Variants in WDR62 observed in about 807,000 individuals in gnomAD.
WDR62 encodes WD repeat domain 62.
Under a neutral mutation model 160.6 loss-of-function variants are expected in WDR62, and 112 were observed. That is an observed-to-expected ratio of 0.70 (90% CI 0.60 to 0.82). The LOEUF is 0.82. WDR62 is among the 40% of genes least tolerant of loss of function. The pLI is 0.00. For missense variants in WDR62, 1,819 were observed against 1,983.8 expected (o/e 0.92, Z 1.58); for synonymous variants, 792 against 815.1 (o/e 0.97, Z 0.48).
Position 36,100,802 on chromosome 19 carries a change from A to G in WDR62, c.2794A>G (p.Lys932Glu). 5 of 1,614,214 alleles carry G rather than the reference A, an allele frequency of 3.1e-6. No homozygotes were observed. The highest frequency in any genetic ancestry group is 1.7e-5 in the Admixed American group (1 of 60,032). The change falls in exon 23 of 32, where the codon AAG (lysine) becomes GAG (glutamate). Residue 932 changes from lysine (K) to glutamate (E), a missense_variant. By Grantham distance (56) the Lys-to-Glu change is moderately conservative. Coordinates refer to ENST00000401500, the MANE Select transcript of WDR62 (RefSeq NM_001083961.2). ...GCACCCCTCCTTCCTGCCCCAGCAG[A>G]AGGAATCATCTGAGGCCAGTGAGCT... Reference protein sequence around the residue: ...RGHPSFLPQQKESSEASELIL... With the variant: ...RGHPSFLPQQEESSEASELIL...
intron 2 of WDR62, 163 bp downstream of exon 2, chr19:36,059,034 T>C: frequency 1.4e-6 from 1 of 726,140 alleles, no homozygotes. Context: ...TAGCCCCCTC[T>C]CTGTCTAGAA....
rs1973554379 is a variant in WDR62 at position 36,103,787 on chromosome 19, C to G, written c.3959C>G (p.Thr1320Ser). ...CCCGTGGATACCCAGCCTGGCGTCA[C>G]CGTCCCTGCAGTGAGCTTCCCAGCC... is the stretch of plus-strand genomic sequence containing the variant. The part of the protein sequence containing the change: ...QPPVDTQPGV[T>S]VPAVSFPAPS... The change falls in exon 30 of 32, where the codon ACC becomes AGC. Residue 1320 changes from threonine to serine, a missense_variant. Transcript: ENST00000401500. 1 of 1,610,028 alleles carries G rather than the reference C, an allele frequency of 6.2e-7. No homozygotes were observed. Among genetic ancestry groups the G allele is most frequent in the Admixed American group, 1.7e-5 (1 of 60,018 alleles).
rs770393356 is a variant in WDR62, at chr19:36,073,551, C to A, written c.1233+20C>A. 6.4e-7 allele frequency: 1 copy of A among 1,565,220 alleles called. No individual in the cohort carries two copies. Among genetic ancestry groups the A allele is most frequent in the South Asian group, 1.1e-5 (1 of 88,762 alleles). On this transcript the variant is annotated intron_variant, in intron 9 of 31. Transcript: ENST00000401500. ...GTGGAGGTGAGCCCCCCCCCCACCC[C>A]CTTGCCCCTGCTTGGCCTCTGCACA...
intron 11 of WDR62, among the ~76,000 whole-genome samples, chr19:36,083,973 C>T (rs1291253978): frequency 6.6e-6 from 1 of 152,146 alleles, no homozygotes; most frequent in East Asian, 1.9e-4. Flanking sequence ...GAGACCAGCT[C>T]AGTGTGTCAG....
At chr19:36,101,115 G>A (rs1175297317) in intron 23 of WDR62, 99 bp from the exon 24 acceptor site, 23 of 1,257,096 alleles carry the variant, frequency 1.8e-5, no homozygotes, top group Non-Finnish European at 2.6e-5. Context: ...TGCTCCTGCA[G>A]GAGCAGCGGG....
chr19:36,110,472 A>G, the WDR62 span, among the ~76,000 whole-genome samples: 2 of 152,126 alleles, frequency 1.3e-5, no homozygotes, highest in African/African-American at 4.8e-5. Flanking sequence ...ACTCCGTCTC[A>G]AAAAAAGAAA....
intron 3 of WDR62, 113 bp from the exon 4 acceptor site, chr19:36,065,845 T>C (rs1316029810): frequency 1.9e-6 from 2 of 1,056,938 alleles, no homozygotes; most frequent in Non-Finnish European, 3.0e-6. Flanking sequence ...TCTGCTGGCC[T>C]CTTCCGAGGC....
At chr19:36,083,316 C>T in intron 11 of WDR62, 75 bp downstream of exon 11, 2 of 1,469,430 alleles carry the variant, frequency 1.4e-6, no homozygotes, top group East Asian at 2.5e-5. Flanking sequence ...GGGCAGAAGC[C>T]CTGGCCTTGG....
intron 9 of WDR62, among the ~76,000 whole-genome samples, chr19:36,079,521 C>T (rs1180125606): frequency 1.3e-5 from 2 of 152,194 alleles, no homozygotes; most frequent in Non-Finnish European, 2.9e-5. Flanking sequence ...CTACTCTTAG[C>T]AGTTTCTCTT....
At chr19:36,110,958 AG>A in the WDR62 span, among the ~76,000 whole-genome samples, 25 of 152,046 alleles carry the variant, frequency 1.6e-4, no homozygotes, top group Middle Eastern at 3.4e-3. Context: ...TGGTGGTCCT[AG>A]TGCTTGTCCA....
intron 21 of WDR62, among the ~76,000 whole-genome samples, chr19:36,097,342 CA>C (rs1309978368): frequency 1.3e-5 from 2 of 152,216 alleles, no homozygotes; most frequent in African/African-American, 4.8e-5. Context: ...GGGCGAGGAA[CA>C]ATATCCCCAT....
In WDR62 at chr19:36,100,770, G is replaced by T; in HGVS notation, c.2762G>T (p.Gly921Val). The T allele has an allele frequency of 6.2e-7, 1 of 1,614,136 alleles. No individual in the cohort carries two copies. Among genetic ancestry groups the T allele is most frequent in the Non-Finnish European group, 8.5e-7 (1 of 1,180,014 alleles). ...TAGTCAGAGAGTCCCCAGGAAGCTG[G>T]CCGCGGGCACCCCTCCTTCCTGCCC... ...LSESESPQEA[G>V]RGHPSFLPQQ... Residue 921 changes from glycine (G) to valine (V), a missense_variant, in exon 23 of 32, where the codon GGC (glycine) becomes GTC (valine). Physicochemically the swap from Gly to Val is moderately radical, Grantham distance 109 (BLOSUM62 -3). This residue lies in a region of WDR62 where 934 missense variants were observed against 1,157.2 expected (regional missense o/e 0.81). Transcript: ENST00000401500.
intron 7 of WDR62, 130 bp downstream of exon 7, chr19:36,068,140 A>G (rs1971045279): frequency 8.6e-7 from 1 of 1,167,372 alleles, no homozygotes; most frequent in South Asian, 1.3e-5. Context: ...CCACTCTCTG[A>G]GCTTAAGGTT....
Position 36,104,813 on chromosome 19 carries a change from A to G in WDR62, c.4357A>G (p.Thr1453Ala). 6.2e-7 allele frequency: 1 copy of G among 1,613,592 alleles called. No homozygotes were observed. The highest frequency in any genetic ancestry group is 8.5e-7 in the Non-Finnish European group (1 of 1,180,012). Residue 1453 changes from threonine to alanine, a missense_variant, in exon 32 of 32, where the codon ACT (threonine) becomes GCT (alanine). Coordinates refer to ENST00000401500, the MANE Select transcript of WDR62 (RefSeq NM_001083961.2). ...GGACACCGGGCAGCAGCAGGCACGG[A>G]CTGAGCTGGTCTCCACCTTCCTGTG... ...QVDTGQQQAR[T>A]ELVSTFLWIH...
Position 36,104,016 on chromosome 19 carries a change from A to G in WDR62, c.4153+35A>G. On this transcript the variant is annotated intron_variant, in intron 30 of 31. Coordinates refer to ENST00000401500, the MANE Select transcript of WDR62 (RefSeq NM_001083961.2). ...GCCCTGGAGCAAGGACTGTCCCCTAAGCTCATCCTGTGTGCTAGTTGGCTC... is the reference window on the plus strand; with the variant it reads ...GCCCTGGAGCAAGGACTGTCCCCTAGGCTCATCCTGTGTGCTAGTTGGCTC... 4 of 1,596,696 alleles carry G rather than the reference A, an allele frequency of 2.5e-6. No homozygotes were observed. The South Asian group carries it at 4.4e-5, about 18-fold the overall frequency.
chr19:36,064,421 G>A (rs1004746963), intron 3 of WDR62, among the ~76,000 whole-genome samples: 1 of 149,182 alleles, frequency 6.7e-6, no homozygotes, highest in Non-Finnish European at 1.5e-5. Context: ...GACTACAGGC[G>A]CCCACCACCA....
chr19:36,058,629 G>A, intron 1 of WDR62, 151 bp from the exon 2 acceptor site: 1 of 703,138 alleles, frequency 1.4e-6, no homozygotes, highest in East Asian at 2.7e-5. Flanking sequence ...GGAATGTTGA[G>A]AGAACAAGTG....
intron 11 of WDR62, among the ~76,000 whole-genome samples, chr19:36,083,741 C>T (rs1453283143): frequency 1.3e-5 from 2 of 152,078 alleles, no homozygotes; most frequent in Non-Finnish European, 2.9e-5. Context: ...TGACAAATGA[C>T]AGCTGTGACC....
chr19:36,056,728 G>A (rs933290642), intron 1 of WDR62, among the ~76,000 whole-genome samples: 1 of 152,130 alleles, frequency 6.6e-6, no homozygotes, highest in Non-Finnish European at 1.5e-5. Context: ...GACTGCTGCT[G>A]ATGGTATGGT....
Sources: gnomAD v4.1 joint callset for allele counts (sites outside exome capture counted in the v4.1 genomes callset) on GRCh38, gnomAD v4.1.1 for gene constraint, gnomAD v4.1.1 regional missense constraint, MANE v1.5 for transcripts, NCBI Gene and HGNC (gene_info 2026-07-23, HGNC 2026-07-21) for gene names.